The following ABCC6 variants were observed in gnomAD, a reference collection of about 807,000 sequenced individuals.
ABCC6 encodes ATP-binding cassette sub-family C member 6.
Under a neutral mutation model 169.5 loss-of-function variants are expected in ABCC6, and 126 were observed. That is an observed-to-expected ratio of 0.74 (90% CI 0.64 to 0.86). The LOEUF is 0.86. Among genes scored for constraint, ABCC6 ranks in the 40% least tolerant of loss-of-function variants. ABCC6 has a pLI of 0.00. For missense variants in ABCC6, 1,733 were observed against 1,927.2 expected, an observed-to-expected ratio of 0.90 and a Z score of 1.89; for synonymous variants, 752 against 814.7, an observed-to-expected ratio of 0.92 and a Z score of 1.31.
chr16:16,174,761 C>CCCCG (rs1555511608), intron 20 of ABCC6, among the ~76,000 whole-genome samples: 3 of 110,664 alleles, frequency 2.7e-5, no homozygotes, highest in African/African-American at 9.3e-5. Flanking sequence ...TGTCTCAAAA[C>CCCCG]CCCCCCCCGC....
intron 18 of ABCC6, 23 bp from the exon 19 acceptor site, chr16:16,177,649 T>G (rs202064925): frequency 3.7e-6 from 6 of 1,613,688 alleles, no homozygotes; most frequent in Non-Finnish European, 5.1e-6. Flanking sequence ...GGGGTAGAAG[T>G]TACACACATG....
At chr16:16,186,994 C>G in intron 14 of ABCC6, 130 bp downstream of exon 14, 1 of 773,740 alleles carries the variant, frequency 1.3e-6, no homozygotes, top group Non-Finnish European at 2.2e-6. Context: ...ATGGCGTGAT[C>G]TGCACGTGTC....
At chr16:16,220,697 A>G (rs1353230167) in intron 2 of ABCC6, among the ~76,000 whole-genome samples, 2 of 152,226 alleles carry the variant, frequency 1.3e-5, no homozygotes, top group East Asian at 3.9e-4. Context: ...GGAGTTGGAG[A>G]CCAGCCTGGC....
At chr16:16,169,210 T>TAGTC (rs2046978359) in intron 22 of ABCC6, among the ~76,000 whole-genome samples, 1 of 152,254 alleles carries the variant, frequency 6.6e-6, no homozygotes, top group Non-Finnish European at 1.5e-5. Context: ...CTGGGCAGAC[T>TAGTC]GTTCAAGGTA....
At chr16:16,153,179 A>G (rs920102733) in intron 29 of ABCC6, among the ~76,000 whole-genome samples, 1 of 152,154 alleles carries the variant, frequency 6.6e-6, no homozygotes, top group African/African-American at 2.4e-5. Context: ...TGCTAGGATT[A>G]CAGGCATGAG....
At chr16:16,161,857 C>G (rs1052393767) in intron 24 of ABCC6, among the ~76,000 whole-genome samples, 1 of 152,144 alleles carries the variant, frequency 6.6e-6, no homozygotes, top group African/African-American at 2.4e-5. Context: ...CTGGCCTGAA[C>G]CATGGCCTCC....
At chr16:16,186,843 G>T (rs991376552) in intron 14 of ABCC6, among the ~76,000 whole-genome samples, 2 of 152,088 alleles carry the variant, frequency 1.3e-5, no homozygotes, top group African/African-American at 4.8e-5. Context: ...AGTCCCTGGT[G>T]CCAAAAAGCT....
At chr16:16,175,462 C>T (rs1026727571) in intron 20 of ABCC6, among the ~76,000 whole-genome samples, 1 of 152,174 alleles carries the variant, frequency 6.6e-6, no homozygotes, top group Non-Finnish European at 1.5e-5. Flanking sequence ...GGACCGGAGG[C>T]CTCCTCCTGG....
Position 16,150,075 on chromosome 16 carries a change from C to T in ABCC6, c.*58G>A, listed in dbSNP as rs1284773206. ...ATCGATGACCACGGGTCACTTCCAT[C>T]TCCAGCACTGCAGGCTGTGCGGGCT... On this transcript the variant is annotated 3_prime_UTR_variant, in exon 31 of 31. Transcript: ENST00000205557. The T allele has an allele frequency of 1.0e-5, 16 of 1,605,348 alleles. No homozygotes were observed. Among genetic ancestry groups the T allele is most frequent in the Non-Finnish European group, 1.3e-5 (15 of 1,176,798 alleles).
rs540707893 is a variant in ABCC6, at chr16:16,193,308, C to T, written c.1339-386G>A. On this transcript the variant is annotated intron_variant, in intron 10 of 30. Coordinates refer to ENST00000205557, the MANE Select transcript of ABCC6 (RefSeq NM_001171.6). ...AAGAAGGAAAGGCATGAATAATCCA[C>T]CCCTTGTTTAGCATATCATCAAGAA... 4.6e-4 allele frequency among the ~76,000 whole-genome samples: 70 copies of T among 152,316 alleles called. 1 individual carries two copies. The Middle Eastern group carries it at 0.014, about 30-fold the overall frequency.
chr16:16,176,020 G>A lies in ABCC6; in HGVS notation c.2591-34C>T, dbSNP rs775733760. The stretch of plus-strand genomic sequence containing the variant: ...TCAAGAGAGTCCTGTCACGCAACAC[G>A]GCCCAGATACCCACTTTGACACCCA... On this transcript the variant is annotated intron_variant, in intron 19 of 30. Coordinates refer to ENST00000205557, the MANE Select transcript of ABCC6 (RefSeq NM_001171.6). The A allele has an allele frequency of 1.2e-5, 19 of 1,602,642 alleles. No homozygotes were observed. The Admixed American group carries it at 2.0e-4, about 17-fold the overall frequency.
rs1410893515 is a variant in ABCC6 at position 16,188,970 on chromosome 16, G to A, written c.1640C>T (p.Ala547Val). 2 of 1,613,918 alleles carry A rather than the reference G, an allele frequency of 1.2e-6. No individual in the cohort carries two copies. The highest frequency in any genetic ancestry group is 4.5e-5 in the East Asian group (2 of 44,882). ...AGTGTGGACAGCAAACACCACCAGT[G>A]CGACCTGGGGGGTGGGGGGGACACG... Reference protein sequence around the residue: ...VSFQVSTFLVALVVFAVHTLV... With the variant: ...VSFQVSTFLVVLVVFAVHTLV... Residue 547 changes from alanine to valine, a missense_variant, in exon 13 of 31, where the codon GCA becomes GTA. Ala to Val is a moderately conservative substitution (Grantham distance 64, BLOSUM62 0). Transcript: ENST00000205557.
rs371489110 is a variant in ABCC6, at chr16:16,154,809, C to T, written c.4042-15G>A. Reference sequence around the variant, plus strand: ...AGGATGGGGTCCTGGCGGGGAGGGGCGGTGGGTCAGAGCCGGGTCCCACCA... The same window carrying T: ...AGGATGGGGTCCTGGCGGGGAGGGGTGGTGGGTCAGAGCCGGGTCCCACCA... On this transcript the variant is annotated splice_polypyrimidine_tract_variant and intron_variant, in intron 28 of 30. Transcript: ENST00000205557. The T allele has an allele frequency of 9.5e-5, 153 of 1,608,828 alleles. 1 individual carries two copies. The South Asian group carries it at 1.5e-3, about 16-fold the overall frequency.
rs549684180 is a variant in ABCC6, at chr16:16,156,800, G to A, written c.3882+863C>T. On this transcript the variant is annotated intron_variant, in intron 27 of 30. Coordinates refer to ENST00000205557, the MANE Select transcript of ABCC6 (RefSeq NM_001171.6). ...TCTACTAAAAATACAAAAATTAGCC[G>A]GGTGTGGTGGCAGGTGCCTGTAATC... Among the ~76,000 whole-genome samples the A allele has an allele frequency of 3.5e-4, 53 of 151,868 alleles. 1 individual carries two copies. The highest frequency in any genetic ancestry group is 2.1e-3 in the South Asian group (10 of 4,802).
intron 27 of ABCC6, chr16:16,155,294 A>ATCTTTCCTCATCCTTCTATTT: frequency 1.8e-6 from 1 of 569,930 alleles, no homozygotes; most frequent in Non-Finnish European, 3.1e-6. Context: ...TAGTTCCTCC[A>ATCTTTCCTCATCCTTCTATTT]TCTTTCCTCA....
chr16:16,173,170 G>A (rs1035963632), intron 21 of ABCC6, 114 bp downstream of exon 21: 1 of 1,416,570 alleles, frequency 7.1e-7, no homozygotes. Flanking sequence ...CTGGCACATA[G>A]TAGGTGCTCA....
At chr16:16,211,272 A>G (rs1229504471) in intron 6 of ABCC6, among the ~76,000 whole-genome samples, 1 of 146,612 alleles carries the variant, frequency 6.8e-6, no homozygotes, top group African/African-American at 2.6e-5. Flanking sequence ...ATAGTGGTGC[A>G]TGCCTGTAAT....
At chr16:16,175,366 G>A (rs1192746667) in intron 20 of ABCC6, among the ~76,000 whole-genome samples, 1 of 152,182 alleles carries the variant, frequency 6.6e-6, no homozygotes, top group African/African-American at 2.4e-5. Flanking sequence ...TAAGAGGGGA[G>A]AGTATCAGGC....
intron 17 of ABCC6, 101 bp from the exon 18 acceptor site, chr16:16,179,066 A>G: frequency 7.6e-7 from 1 of 1,324,284 alleles, no homozygotes; most frequent in Non-Finnish European, 1.1e-6. Flanking sequence ...CATCAGGGTG[A>G]GGTACAGCTC....
Sources: gnomAD v4.1 joint callset for allele counts (sites outside exome capture counted in the v4.1 genomes callset) on GRCh38, gnomAD v4.1.1 for gene constraint, MANE v1.5 for transcripts, NCBI Gene and HGNC (gene_info 2026-07-23, HGNC 2026-07-21) for gene names.